The following SERPINB2 variants were observed in gnomAD, a reference collection of about 807,000 sequenced individuals.
SERPINB2 encodes serpin family B member 2, also known as plasminogen activator inhibitor 2.
SERPINB2 carries 28 observed loss-of-function variants against 39.4 expected under a neutral mutation model. The ratio of observed to expected loss-of-function variants is 0.71; its 90% CI spans 0.53 to 0.97. SERPINB2 has a LOEUF of 0.97. Ranked by LOEUF, SERPINB2 falls within the 50% of genes least tolerant of loss-of-function variation. The pLI, the probability that SERPINB2 is intolerant of heterozygous loss-of-function variation, is 0.00. For synonymous variants in SERPINB2, 209 were observed against 175.1 expected (o/e 1.19, Z -1.53); for missense variants, 557 against 505.3 (o/e 1.10, Z -0.98).
intron 3 of SERPINB2, among the ~76,000 whole-genome samples, chr18:63,896,089 T>C (rs2049957682): frequency 6.6e-6 from 1 of 152,182 alleles, no homozygotes; most frequent in Admixed American, 6.5e-5. Context: ...CAGTCATGCT[T>C]ATGAGGTAGA....
chr18:63,894,261 T>C (rs1355215160), intron 2 of SERPINB2, among the ~76,000 whole-genome samples: 2 of 152,060 alleles, frequency 1.3e-5, no homozygotes, highest in Non-Finnish European at 2.9e-5. Flanking sequence ...CTTCTTCTTT[T>C]ACGTGAGGGT....
intron 2 of SERPINB2, 100 bp downstream of exon 2, chr18:63,891,712 T>C: frequency 8.7e-7 from 1 of 1,145,234 alleles, no homozygotes; most frequent in Non-Finnish European, 1.2e-6. Context: ...ACTCAGGAGG[T>C]CAGCAATCAT....
chr18:63,903,468 T>C lies in SERPINB2; in HGVS notation c.*163T>C, dbSNP rs1023464374. The C allele has an allele frequency of 3.4e-6, 2 of 580,354 alleles. No individual in the cohort carries two copies. The highest frequency in any genetic ancestry group is 8.0e-5 in the Admixed American group (2 of 24,864). 36.0% of individuals were successfully genotyped at this position (580,354 alleles called of 1,614,324 possible). On this transcript the variant is annotated 3_prime_UTR_variant, in exon 8 of 8. Transcript: ENST00000299502. ...TAAAAACACAGAAATAATTAGACAA[T>C]TGTCTATTATAACATGACAACCCTA...
intron 5 of SERPINB2, among the ~76,000 whole-genome samples, chr18:63,898,740 T>C (rs1029452572): frequency 1.2e-4 from 19 of 152,222 alleles, no homozygotes; most frequent in African/African-American, 4.3e-4. Flanking sequence ...TTAAAAATGA[T>C]TAAATTGTAA....
At chr18:63,891,804 A>C (rs1470968243) in intron 2 of SERPINB2, among the ~76,000 whole-genome samples, 192 bp downstream of exon 2, 1 of 152,248 alleles carries the variant, frequency 6.6e-6, no homozygotes, top group Non-Finnish European at 1.5e-5. Flanking sequence ...CGAATCCCTC[A>C]ACTGTAGCTG....
intron 1 of SERPINB2, chr18:63,890,243 G>A (rs181689930): frequency 2.0e-5 from 3 of 152,182 alleles, no homozygotes; most frequent in East Asian, 3.9e-4. Context: ...AAGGGTTCAC[G>A]CAAGAAAGAA....
In SERPINB2 at chr18:63,903,245, T is replaced by G; in HGVS notation, c.1188T>G (p.Phe396Leu). 2 of 1,593,964 alleles carry G rather than the reference T, an allele frequency of 1.3e-6. No individual in the cohort carries two copies. The highest frequency in any genetic ancestry group is 1.7e-4 in the Middle Eastern group (1 of 5,924). ...PQFVADHPFL[F>L]LIMHKITNCI... ...TTGTGGCAGATCATCCTTTTCTTTT[T>G]CTTATTATGCATAAGATAACCAACT... Residue 396 changes from phenylalanine to leucine, a missense_variant, in exon 8 of 8, where the codon TTT becomes TTG. Physicochemically the swap from Phe to Leu is conservative, Grantham distance 22 (BLOSUM62 0). Coordinates refer to ENST00000299502, the MANE Select transcript of SERPINB2 (RefSeq NM_002575.3).
chr18:63,900,396 G>C (rs550779628), intron 5 of SERPINB2, among the ~76,000 whole-genome samples: 1 of 152,274 alleles, frequency 6.6e-6, no homozygotes, highest in African/African-American at 2.4e-5. Context: ...AAGGGTTCTT[G>C]GCTTCACCCA....
Position 63,903,817 on chromosome 18 carries a change from AAC to A in SERPINB2, c.*516_*517del, listed in dbSNP as rs2050010025. Reference sequence around the variant, plus strand: ...GTTATGTGCATTTCTAGAAATACATAACACATATATATGTCTGTATCTTATAT... The same window carrying A: ...GTTATGTGCATTTCTAGAAATACATAACATATATATGTCTGTATCTTATAT... On this transcript the variant is annotated 3_prime_UTR_variant, in exon 8 of 8. Coordinates refer to ENST00000299502, the MANE Select transcript of SERPINB2 (RefSeq NM_002575.3). 1 of 152,238 alleles carries A rather than the reference AAC, an allele frequency of 6.6e-6. No individual in the cohort carries two copies. The highest frequency in any genetic ancestry group is 1.5e-5 in the Non-Finnish European group (1 of 68,060). The allele number at this position is 152,238 out of a possible 1,614,324, so 9.4% of individuals were successfully genotyped here.
At position 63,895,272 on chromosome 18, in the gene SERPINB2, G is replaced by A. The variant is rs137994008; in HGVS notation, c.177G>A (p.Gln59=). 2.4e-4 allele frequency: 395 copies of A among 1,613,860 alleles called. No homozygotes were observed. The highest frequency in any genetic ancestry group is 3.0e-4 in the Non-Finnish European group (357 of 1,179,944). ...TCTAATTCTGATTGCAGGTGCTTCA[G>A]TTTAATGAAGTGGGAGCCAATGCAG... is the stretch of plus-strand genomic sequence containing the variant. ...STEDQMAKVL[Q]FNEVGANAVT... Residue 59 remains glutamine, a synonymous_variant, in exon 3 of 8, where the codon CAG becomes CAA. Coordinates refer to ENST00000299502, the MANE Select transcript of SERPINB2 (RefSeq NM_002575.3).
chr18:63,897,950 C>A (rs1384794835), intron 5 of SERPINB2, 106 bp downstream of exon 5: 5 of 735,686 alleles, frequency 6.8e-6, no homozygotes, highest in Non-Finnish European at 1.2e-5. Flanking sequence ...ACAATTTGTC[C>A]AACTGCAGTT....
chr18:63,899,362 T>C (rs148797031), intron 5 of SERPINB2, among the ~76,000 whole-genome samples: 1 of 152,208 alleles, frequency 6.6e-6, no homozygotes, highest in African/African-American at 2.4e-5. Flanking sequence ...GTCACACTTA[T>C]CCTATGCCCC....
chr18:63,893,645 C>G (rs996617950), intron 2 of SERPINB2, among the ~76,000 whole-genome samples: 18 of 152,270 alleles, frequency 1.2e-4, no homozygotes, highest in African/African-American at 4.1e-4. Flanking sequence ...GACATTGAAA[C>G]CATTTGCATC....
chr18:63,892,222 C>A (rs2049931260), intron 2 of SERPINB2, among the ~76,000 whole-genome samples: 1 of 152,052 alleles, frequency 6.6e-6, no homozygotes, highest in South Asian at 2.1e-4. Context: ...CAGAATGAGA[C>A]CTGGCATTAT....
chr18:63,892,087 A>T (rs2144695924), intron 2 of SERPINB2, among the ~76,000 whole-genome samples: 1 of 151,992 alleles, frequency 6.6e-6, no homozygotes, highest in East Asian at 1.9e-4. Flanking sequence ...ATTCCTTCTA[A>T]TAATGTTAAG....
At chr18:63,895,510 A>G (rs574810332) in intron 3 of SERPINB2, 127 bp downstream of exon 3, 1 of 1,185,516 alleles carries the variant, frequency 8.4e-7, no homozygotes, top group Admixed American at 2.1e-5. Context: ...GAAAACTAAG[A>G]CTCAGAGTCA....
At chr18:63,890,141 T>A (rs1210121533) in intron 1 of SERPINB2, 3 of 152,220 alleles carry the variant, frequency 2.0e-5, no homozygotes, top group African/African-American at 7.2e-5. Context: ...ACTATTTTTG[T>A]CTTGATAAAA....
At position 63,903,242 on chromosome 18, in the gene SERPINB2, T is replaced by C. The variant is rs749852357; in HGVS notation, c.1185T>C (p.Leu395=). The C allele has an allele frequency of 1.9e-6, 3 of 1,595,324 alleles. No homozygotes were observed. Among genetic ancestry groups the C allele is most frequent in the East Asian group, 2.2e-5 (1 of 44,682 alleles). ...AGTTTGTGGCAGATCATCCTTTTCTTTTTCTTATTATGCATAAGATAACCA... is the reference window on the plus strand; with the variant it reads ...AGTTTGTGGCAGATCATCCTTTTCTCTTTCTTATTATGCATAAGATAACCA... ...GPQFVADHPF[L]FLIMHKITNC... The change falls in exon 8 of 8, where the codon CTT becomes CTC. Residue 395 remains leucine (L), a synonymous_variant. Coordinates refer to ENST00000299502, the MANE Select transcript of SERPINB2 (RefSeq NM_002575.3).
intron 4 of SERPINB2, 78 bp from the exon 5 acceptor site, chr18:63,897,649 A>T: frequency 9.7e-7 from 1 of 1,033,624 alleles, no homozygotes; most frequent in Non-Finnish European, 1.5e-6. Context: ...TTTCAATGGG[A>T]AGACCATAAT....
Sources: gnomAD v4.1 joint callset for allele counts (sites outside exome capture counted in the v4.1 genomes callset) on GRCh38, gnomAD v4.1.1 for gene constraint, MANE v1.5 for transcripts, NCBI Gene and HGNC (gene_info 2026-07-23, HGNC 2026-07-21) for gene names.